Variants in SLC9A9 observed in about 807,000 individuals in gnomAD.
SLC9A9 encodes the protein sodium/hydrogen exchanger 9.
A neutral mutation model predicts 77.8 loss-of-function variants in SLC9A9; 62 were observed. That is an observed-to-expected ratio of 0.80 (90% CI 0.65 to 0.98). The LOEUF (loss-of-function observed/expected upper bound fraction) is 0.98. SLC9A9 is among the 50% of genes least tolerant of loss of function. SLC9A9 has a pLI of 0.00. For missense variants in SLC9A9, 775 were observed against 774.9 expected (o/e 1.00, Z 0.00); for synonymous variants, 320 against 283.5 (o/e 1.13, Z -1.29).
At chr3:143,634,628 G>A (rs190926760) in intron 6 of SLC9A9, among the ~76,000 whole-genome samples, 1 of 152,010 alleles carries the variant, frequency 6.6e-6, no homozygotes, top group African/African-American at 2.4e-5. Flanking sequence ...TTGATACTTA[G>A]GAGCATTTGC....
At chr3:143,722,060 T>A (rs529286542) in intron 4 of SLC9A9, among the ~76,000 whole-genome samples, 1 of 152,358 alleles carries the variant, frequency 6.6e-6, no homozygotes, top group South Asian at 2.1e-4. Flanking sequence ...TCAGTATCTG[T>A]TAAATTTCAC....
At position 143,265,720 on chromosome 3, in the gene SLC9A9, C is replaced by T; in HGVS notation, c.*982G>A. 1 of 427,466 alleles carries T rather than the reference C, an allele frequency of 2.3e-6. No individual in the cohort carries two copies. Among genetic ancestry groups the T allele is most frequent in the South Asian group, 8.8e-5 (1 of 11,320 alleles). The allele number at this position is 427,466 out of a possible 1,614,324, so 26.5% of individuals were successfully genotyped here. A position where few individuals can be genotyped will look rare whatever the true frequency, so the allele number is the denominator to read the frequency against. On this transcript the variant is annotated 3_prime_UTR_variant, in exon 16 of 16. Coordinates refer to ENST00000316549, the MANE Select transcript of SLC9A9 (RefSeq NM_173653.4). ...GGGAGACCTGAGGCCCTGTCCTTGG[C>T]TCCTCAGTGTAACCCACACATCATT...
chr3:143,392,476 G>C (rs1275276867), intron 12 of SLC9A9, among the ~76,000 whole-genome samples: 1 of 152,176 alleles, frequency 6.6e-6, no homozygotes, highest in Non-Finnish European at 1.5e-5. Flanking sequence ...GGAACAACTG[G>C]TACCAGCCAC....
chr3:143,444,727 T>C (rs1185215821), intron 12 of SLC9A9, among the ~76,000 whole-genome samples: 1 of 152,202 alleles, frequency 6.6e-6, no homozygotes, highest in African/African-American at 2.4e-5. Flanking sequence ...CTTCTTATTT[T>C]CCTTCTCTTC....
intron 2 of SLC9A9, among the ~76,000 whole-genome samples, chr3:143,813,624 T>C (rs1455064411): frequency 6.6e-6 from 1 of 152,142 alleles, no homozygotes; most frequent in Non-Finnish European, 1.5e-5. Context: ...TGTAAGTCTT[T>C]CTAATTCTGG....
chr3:143,407,385 C>G (rs997708115), intron 12 of SLC9A9, among the ~76,000 whole-genome samples: 1 of 152,002 alleles, frequency 6.6e-6, no homozygotes. Context: ...TGACAATATC[C>G]TAGGTGATTT....
rs115114493 is a variant in SLC9A9, at chr3:143,274,214, G to T, written c.1605-5234C>A. Among the ~76,000 whole-genome samples, 1,115 of 152,320 alleles carry T rather than the reference G, an allele frequency of 7.3e-3. 17 individuals are homozygous for T. The highest frequency in any genetic ancestry group is 0.026 in the African/African-American group (1,073 of 41,572). On this transcript the variant is annotated intron_variant, in intron 14 of 15. Coordinates refer to ENST00000316549, the MANE Select transcript of SLC9A9 (RefSeq NM_173653.4). The stretch of plus-strand genomic sequence containing the variant: ...TGTTATAAGGGTAAAATGCTTGTCA[G>T]CACACAGCTGTGTGAAGAAGGAAAG...
At chr3:143,401,706 A>G (rs114975357) in intron 12 of SLC9A9, among the ~76,000 whole-genome samples, 1,997 of 152,294 alleles carry the variant, frequency 0.013, 37 homozygotes, top group African/African-American at 0.043. Flanking sequence ...AGGCTGGATC[A>G]GGTTTTCACA....
intron 2 of SLC9A9, among the ~76,000 whole-genome samples, chr3:143,798,842 C>G (rs1345321673): frequency 6.6e-6 from 1 of 152,100 alleles, no homozygotes; most frequent in Non-Finnish European, 1.5e-5. Flanking sequence ...CCCGCCTGTC[C>G]CCTCAGTTCC....
intron 9 of SLC9A9, among the ~76,000 whole-genome samples, chr3:143,526,884 T>C (rs912874994): frequency 1.3e-5 from 2 of 152,156 alleles, no homozygotes; most frequent in African/African-American, 4.8e-5. Context: ...TGTGTTGAAA[T>C]ATATATCAAG....
intron 5 of SLC9A9, among the ~76,000 whole-genome samples, chr3:143,656,016 C>A (rs1052447126): frequency 6.6e-6 from 1 of 152,052 alleles, no homozygotes; most frequent in Non-Finnish European, 1.5e-5. Flanking sequence ...GATGAGAAAA[C>A]TGCTGGAGCA....
chr3:143,704,475 G>A (rs897690930), intron 4 of SLC9A9, among the ~76,000 whole-genome samples: 1 of 152,032 alleles, frequency 6.6e-6, no homozygotes, highest in African/African-American at 2.4e-5. Flanking sequence ...AAAACCATAT[G>A]ATCATTTCAA....
At chr3:143,461,013 T>C (rs2035180887) in intron 12 of SLC9A9, among the ~76,000 whole-genome samples, 1 of 152,176 alleles carries the variant, frequency 6.6e-6, no homozygotes, top group Non-Finnish European at 1.5e-5. Flanking sequence ...TGAGAGAGCA[T>C]ATTTCTCAGG....
chr3:143,467,133 T>A lies in SLC9A9; in HGVS notation c.1373A>T (p.Lys458Ile). 3 of 1,614,204 alleles carry A rather than the reference T, an allele frequency of 1.9e-6. No individual in the cohort carries two copies. The highest frequency in any genetic ancestry group is 2.5e-6 in the Non-Finnish European group (3 of 1,180,024). Residue 458 changes from lysine (K) to isoleucine (I), a missense_variant, in exon 12 of 16, where the codon AAA (lysine) becomes ATA (isoleucine). Transcript: ENST00000316549. ...LAIRNTESQPKQMMFTTTLLL... is the reference protein window; with the variant it reads ...LAIRNTESQPIQMMFTTTLLL... The stretch of plus-strand genomic sequence containing the variant: ...CAGCGTAGTGGTAAACATCATTTGT[T>A]TGGGCTGAGATTCTGTGTTCCGAAT...
At chr3:143,466,481 C>T (rs931387096) in intron 12 of SLC9A9, among the ~76,000 whole-genome samples, 2 of 152,238 alleles carry the variant, frequency 1.3e-5, no homozygotes, top group Non-Finnish European at 2.9e-5. Flanking sequence ...TATTGGAGGG[C>T]CACTGACTGA....
intron 12 of SLC9A9, among the ~76,000 whole-genome samples, chr3:143,401,204 G>C (rs2033848950): frequency 6.6e-6 from 1 of 152,068 alleles, no homozygotes; most frequent in Non-Finnish European, 1.5e-5. Context: ...CTTCCTTCCT[G>C]CCAGGTCACC....
At chr3:143,840,118 C>T (rs910879264) in intron 1 of SLC9A9, among the ~76,000 whole-genome samples, 3 of 152,226 alleles carry the variant, frequency 2.0e-5, no homozygotes, top group Non-Finnish European at 4.4e-5. Context: ...TACCGGGCCG[C>T]ACCCACCCCA....
At chr3:143,435,943 G>A (rs1284462710) in intron 12 of SLC9A9, among the ~76,000 whole-genome samples, 4 of 152,174 alleles carry the variant, frequency 2.6e-5, no homozygotes, top group Non-Finnish European at 4.4e-5. Flanking sequence ...GCCAGTGACA[G>A]AACTAGGAGA....
At position 143,504,205 on chromosome 3, in the gene SLC9A9, A is replaced by T; in HGVS notation, c.1090-8757T>A. The T allele has an allele frequency of 9.8e-6, 3 of 307,584 alleles. No homozygotes were observed. In the Admixed American group the frequency reaches 1.1e-4, roughly 11 times the overall value. 19.1% of individuals were successfully genotyped at this position (307,584 alleles called of 1,614,324 possible). ...CAGCAATATCCACTTTGCTAGATTT[A>T]AAAGCAGCACTAGTGACCAGGTGCC... On this transcript the variant is annotated intron_variant, in intron 9 of 15. Transcript: ENST00000316549.
Sources: gnomAD v4.1 joint callset for allele counts (sites outside exome capture counted in the v4.1 genomes callset) on GRCh38, gnomAD v4.1.1 for gene constraint, MANE v1.5 for transcripts, NCBI Gene and HGNC (gene_info 2026-07-23, HGNC 2026-07-21) for gene names.